Variants in APPBP2 observed in about 807,000 individuals in gnomAD.
APPBP2 encodes the protein amyloid protein-binding protein 2.
A neutral mutation model predicts 76.0 loss-of-function variants in APPBP2; 15 were observed. That is an observed-to-expected ratio of 0.20 (90% confidence interval 0.13 to 0.30). The LOEUF (loss-of-function observed/expected upper bound fraction) is 0.30, where lower values mean the gene tolerates loss of function less well. APPBP2 is among the 10% of genes least tolerant of loss of function. APPBP2 has a pLI of 1.00. For missense variants in APPBP2, 401 were observed against 687.2 expected (o/e 0.58, Z 4.66); for synonymous variants, 222 against 242.2 (o/e 0.92, Z 0.77).
chr17:60,467,849 T>C (rs747050821), intron 4 of APPBP2, among the ~76,000 whole-genome samples: 4 of 151,720 alleles, frequency 2.6e-5, no homozygotes, highest in Non-Finnish European at 5.9e-5. Flanking sequence ...TGAGAAGGGA[T>C]GGGGGGAAAT....
chr17:60,512,254 C>G (rs1402116647), intron 1 of APPBP2, among the ~76,000 whole-genome samples: 2 of 151,932 alleles, frequency 1.3e-5, no homozygotes, highest in African/African-American at 4.8e-5. Flanking sequence ...AAGTGCCCAC[C>G]ACCACGCCCA....
chr17:60,517,442 C>T (rs1260411184), intron 1 of APPBP2, among the ~76,000 whole-genome samples: 1 of 152,176 alleles, frequency 6.6e-6, no homozygotes, highest in Non-Finnish European at 1.5e-5. Context: ...CAATTTATCA[C>T]ACTTCCTTTA....
intron 1 of APPBP2, among the ~76,000 whole-genome samples, chr17:60,507,698 C>T (rs991232137): frequency 3.3e-5 from 5 of 152,142 alleles, no homozygotes; most frequent in Non-Finnish European, 7.3e-5. Flanking sequence ...CTGAAATTAT[C>T]GAGATTAACC....
At chr17:60,480,844 C>A (rs1263437872) in intron 3 of APPBP2, among the ~76,000 whole-genome samples, 1 of 152,188 alleles carries the variant, frequency 6.6e-6, no homozygotes, top group Non-Finnish European at 1.5e-5. Flanking sequence ...GAGAAATGGG[C>A]TGCATGACTG....
intron 1 of APPBP2, among the ~76,000 whole-genome samples, chr17:60,515,229 C>A (rs1037988991): frequency 6.6e-6 from 1 of 151,424 alleles, no homozygotes; most frequent in African/African-American, 2.4e-5. Context: ...AGATCTCCTG[C>A]CTCAGCCTTT....
chr17:60,480,099 C>G (rs1225112318), intron 3 of APPBP2, among the ~76,000 whole-genome samples: 1 of 152,146 alleles, frequency 6.6e-6, no homozygotes, highest in Non-Finnish European at 1.5e-5. Flanking sequence ...CCAGAAAACA[C>G]AAAGTAACAT....
intron 4 of APPBP2, among the ~76,000 whole-genome samples, chr17:60,478,859 A>C (rs540984515): frequency 6.6e-6 from 1 of 152,304 alleles, no homozygotes; most frequent in African/African-American, 2.4e-5. Context: ...GCAGTGAGCC[A>C]AGACTGTGCC....
rs10633636 is a variant in APPBP2 at position 60,520,590 on chromosome 17, A to AC, written c.138+5203_138+5204insG. Among the ~76,000 whole-genome samples, 394 of 149,402 alleles carry AC rather than the reference A, an allele frequency of 2.6e-3. 2 individuals carry two copies. Among genetic ancestry groups the AC allele is most frequent in the African/African-American group, 9.2e-3 (360 of 38,940 alleles). ...TCTGTTAAAAAAAAAAAAAAAAAAA[A>AC]ATTAAGATTGTGAAAACAATACATA... On this transcript the variant is annotated intron_variant, in intron 1 of 12. Transcript: ENST00000083182.
chr17:60,450,476 C>A (rs1217651317), intron 12 of APPBP2, among the ~76,000 whole-genome samples: 1 of 147,988 alleles, frequency 6.8e-6, no homozygotes, highest in Non-Finnish European at 1.5e-5. Context: ...CATCTGATTA[C>A]ATTAAGAACT....
At chr17:60,496,747 GTC>G (rs1257592330) in intron 2 of APPBP2, among the ~76,000 whole-genome samples, 1 of 151,994 alleles carries the variant, frequency 6.6e-6, no homozygotes, top group Non-Finnish European at 1.5e-5. Context: ...TTGAGACAGA[GTC>G]TCACTCTGTC....
At chr17:60,521,899 C>T (rs1214205715) in intron 1 of APPBP2, among the ~76,000 whole-genome samples, 1 of 152,162 alleles carries the variant, frequency 6.6e-6, no homozygotes, top group African/African-American at 2.4e-5. Context: ...GGTTTAGATA[C>T]ACAAGCACTT....
intron 2 of APPBP2, among the ~76,000 whole-genome samples, chr17:60,495,596 C>T (rs1213933319): frequency 6.6e-6 from 1 of 151,922 alleles, no homozygotes; most frequent in Non-Finnish European, 1.5e-5. Flanking sequence ...TCAGCCTCCA[C>T]AGTAGCTGGG....
At chr17:60,510,154 G>A (rs2090900230) in intron 1 of APPBP2, among the ~76,000 whole-genome samples, 1 of 152,136 alleles carries the variant, frequency 6.6e-6, no homozygotes, top group South Asian at 2.1e-4. Context: ...TGTAATCCCA[G>A]CAATTTGGCA....
intron 4 of APPBP2, chr17:60,468,444 A>G (rs1264057807): frequency 1.3e-5 from 2 of 152,246 alleles, no homozygotes; most frequent in Admixed American, 1.3e-4. Flanking sequence ...CTTACTTCTC[A>G]TTTCCACAAT....
chr17:60,482,480 G>C (rs2090637814), intron 3 of APPBP2, among the ~76,000 whole-genome samples: 1 of 151,952 alleles, frequency 6.6e-6, no homozygotes, highest in Admixed American at 6.6e-5. Flanking sequence ...TTAAGTTCTA[G>C]GGTACATGTG....
At chr17:60,462,945 T>A (rs1253985999) in intron 6 of APPBP2, among the ~76,000 whole-genome samples, 5 of 128,330 alleles carry the variant, frequency 3.9e-5, no homozygotes, top group Non-Finnish European at 7.8e-5. Context: ...CAAGACTCCA[T>A]CTCAAAAAAA....
intron 3 of APPBP2, among the ~76,000 whole-genome samples, chr17:60,484,426 C>G (rs984053474): frequency 2.0e-5 from 3 of 152,060 alleles, no homozygotes; most frequent in Non-Finnish European, 4.4e-5. Flanking sequence ...TGTAGTTCTC[C>G]TTGAAGAGGT....
chr17:60,454,590 A>C, intron 10 of APPBP2, 98 bp from the exon 11 acceptor site: 3 of 719,700 alleles, frequency 4.2e-6, no homozygotes, highest in Non-Finnish European at 6.4e-6. Flanking sequence ...TGTTTACTGA[A>C]TATATTTATA....
intron 1 of APPBP2, among the ~76,000 whole-genome samples, chr17:60,522,950 T>C (rs571907545): frequency 6.6e-6 from 1 of 152,216 alleles, no homozygotes; most frequent in African/African-American, 2.4e-5. Flanking sequence ...TCAACATTCC[T>C]GCTTCTTTAC....
Sources: allele counts gnomAD v4.1 joint callset (sites outside exome capture counted in the v4.1 genomes callset), GRCh38; gene constraint gnomAD v4.1.1; transcripts MANE v1.5; gene names NCBI Gene and HGNC (gene_info 2026-07-23, HGNC 2026-07-21).